Variants in ARMC3 observed in about 807,000 individuals in gnomAD.
The protein encoded by ARMC3 is armadillo repeat containing 3.
A neutral mutation model predicts 90.3 loss-of-function variants in ARMC3; 74 were observed. The ratio of observed to expected loss-of-function variants is 0.82; its 90% CI spans 0.68 to 0.99. The LOEUF (loss-of-function observed/expected upper bound fraction) is 0.99, where lower values mean the gene tolerates loss of function less well. Among genes scored for constraint, ARMC3 ranks in the 50% least tolerant of loss-of-function variants. ARMC3 has a pLI of 0.00. For missense variants in ARMC3, 958 were observed against 1,042.8 expected (o/e 0.92, Z 1.12); for synonymous variants, 334 against 361.8 (o/e 0.92, Z 0.87).
chr10:22,957,095 T>C (rs1201576117), intron 4 of ARMC3, among the ~76,000 whole-genome samples: 2 of 152,138 alleles, frequency 1.3e-5, no homozygotes, highest in Non-Finnish European at 2.9e-5. Flanking sequence ...ATGCCTATCG[T>C]GGTACATGGC....
At chr10:22,964,431 G>A (rs1426158778) in intron 7 of ARMC3, among the ~76,000 whole-genome samples, 2 of 148,204 alleles carry the variant, frequency 1.3e-5, no homozygotes, top group Non-Finnish European at 3.0e-5. Flanking sequence ...CCTGCCTTTT[G>A]TAGTGTTAAT....
At chr10:22,982,222 C>CA (rs1460554322) in intron 10 of ARMC3, among the ~76,000 whole-genome samples, 1 of 151,974 alleles carries the variant, frequency 6.6e-6, no homozygotes, top group Non-Finnish European at 1.5e-5. Flanking sequence ...ACTAAAAATA[C>CA]AAAAAAATAG....
intron 10 of ARMC3, among the ~76,000 whole-genome samples, chr10:22,983,250 A>C (rs10508656): frequency 6.6e-6 from 1 of 152,012 alleles, no homozygotes; most frequent in African/African-American, 2.4e-5. Flanking sequence ...TTTGATGTGA[A>C]TTTGCCTGGC....
intron 2 of ARMC3, among the ~76,000 whole-genome samples, chr10:22,938,034 T>C (rs1175346197): frequency 1.3e-5 from 2 of 152,200 alleles, no homozygotes; most frequent in African/African-American, 4.8e-5. Context: ...TTAATAATAA[T>C]ATAATTCAGG....
intron 16 of ARMC3, among the ~76,000 whole-genome samples, chr10:23,029,374 A>C (rs939924711): frequency 1.3e-5 from 2 of 152,148 alleles, no homozygotes; most frequent in African/African-American, 2.4e-5. Context: ...AGAGTCCTCA[A>C]ACAGCTGTTG....
At chr10:23,004,690 CA>C (rs1244582245) in intron 13 of ARMC3, among the ~76,000 whole-genome samples, 1 of 152,136 alleles carries the variant, frequency 6.6e-6, no homozygotes, top group Non-Finnish European at 1.5e-5. Context: ...GCCCCGGTTG[CA>C]GGAAGCACTC....
chr10:23,001,128 C>T (rs928193953), intron 11 of ARMC3, among the ~76,000 whole-genome samples: 16 of 152,268 alleles, frequency 1.1e-4, no homozygotes, highest in African/African-American at 3.6e-4. Flanking sequence ...ACTTGGTGGC[C>T]GTGCACAGTG....
At chr10:22,994,702 C>G (rs1180137297) in intron 10 of ARMC3, among the ~76,000 whole-genome samples, 1 of 152,026 alleles carries the variant, frequency 6.6e-6, no homozygotes, top group African/African-American at 2.4e-5. Context: ...GAGGAGAGAC[C>G]TCTTAGGAGA....
At chr10:22,938,708 C>T (rs983991992) in intron 2 of ARMC3, among the ~76,000 whole-genome samples, 1 of 152,190 alleles carries the variant, frequency 6.6e-6, no homozygotes, top group East Asian at 1.9e-4. Flanking sequence ...GGAAGTACAA[C>T]ATACTGAAAT....
rs748293646 is a variant in ARMC3 at position 22,981,464 on chromosome 10, A to G, written c.1041A>G (p.Ser347=). 6.2e-7 allele frequency: 1 copy of G among 1,613,932 alleles called. No individual in the cohort carries two copies. The highest frequency in any genetic ancestry group is 1.1e-5 in the South Asian group (1 of 90,960). ...SQAISAMCEN[S]GSKDFFNNQG... ...CTATTTCAGCAATGTGTGAGAATTC[A>G]GGCAGCAAAGATTTTTTCAATAATC... The change falls in exon 9 of 19, where the codon TCA becomes TCG. Residue 347 remains serine, a synonymous_variant. Coordinates refer to ENST00000298032, the MANE Select transcript of ARMC3 (RefSeq NM_173081.5).
intron 11 of ARMC3, 149 bp from the exon 12 acceptor site, chr10:23,001,770 C>A (rs1837304123): frequency 9.5e-7 from 1 of 1,048,438 alleles, no homozygotes; most frequent in African/African-American, 1.6e-5. Flanking sequence ...TTTTTCACCC[C>A]TGAATTTAAT....
At chr10:23,014,176 G>GA (rs1838161690) in intron 16 of ARMC3, 2 of 1,548,910 alleles carry the variant, frequency 1.3e-6, no homozygotes, top group African/African-American at 1.4e-5. Flanking sequence ...AGAACACAGA[G>GA]ACTTTGGATT....
intron 7 of ARMC3, among the ~76,000 whole-genome samples, chr10:22,963,920 CACAAAAAAAAAAA>C (rs1835328210): frequency 2.0e-5 from 1 of 50,572 alleles, no homozygotes; most frequent in Non-Finnish European, 3.5e-5. Context: ...CACACACACA[CACAAAAAAAAAAA>C]AAAAAAAAAA....
chr10:22,942,710 C>T (rs1167631810), intron 2 of ARMC3, among the ~76,000 whole-genome samples: 2 of 152,038 alleles, frequency 1.3e-5, no homozygotes, highest in African/African-American at 4.8e-5. Flanking sequence ...ATATGTCTAC[C>T]CCATGACTCA....
At chr10:22,944,905 A>AT (rs370498053) in intron 2 of ARMC3, among the ~76,000 whole-genome samples, 1 of 152,144 alleles carries the variant, frequency 6.6e-6, no homozygotes, top group African/African-American at 2.4e-5. Flanking sequence ...TACACAACTG[A>AT]TTTTTTACTG....
At position 23,001,983 on chromosome 10, in the gene ARMC3, G is replaced by A; in HGVS notation, c.1490G>A (p.Arg497Lys). 6.2e-7 allele frequency: 1 copy of A among 1,613,948 alleles called. No homozygotes were observed. Among genetic ancestry groups the A allele is most frequent in the South Asian group, 1.1e-5 (1 of 91,078 alleles). ...CTACGCTCCAAGAATGATGAAGTGA[G>A]GAAGCACGCCAGTTGGGCAGTGATG... ...ELLRSKNDEV[R>K]KHASWAVMVC... Residue 497 changes from arginine to lysine, a missense_variant, in exon 12 of 19, where the codon AGG (arginine) becomes AAG (lysine). Arg to Lys is a conservative substitution (Grantham distance 26, BLOSUM62 2). Coordinates refer to ENST00000298032, the MANE Select transcript of ARMC3 (RefSeq NM_173081.5).
intron 7 of ARMC3, among the ~76,000 whole-genome samples, chr10:22,964,068 G>A (rs1000449785): frequency 2.0e-5 from 3 of 151,596 alleles, no homozygotes; most frequent in Admixed American, 6.6e-5. Flanking sequence ...TAGATCTATC[G>A]AGGTCAAAGG....
intron 16 of ARMC3, chr10:23,014,482 T>C: frequency 9.7e-7 from 1 of 1,031,408 alleles, no homozygotes; most frequent in Non-Finnish European, 1.2e-6. Flanking sequence ...ACTGCATTCG[T>C]CTGAAAAGCC....
chr10:22,958,348 A>G (rs1225725098), intron 4 of ARMC3, among the ~76,000 whole-genome samples: 4 of 152,216 alleles, frequency 2.6e-5, no homozygotes, highest in African/African-American at 9.6e-5. Flanking sequence ...TGTATTAATT[A>G]AAATAGGCTG....
Sources: allele counts gnomAD v4.1 joint callset (sites outside exome capture counted in the v4.1 genomes callset), GRCh38; gene constraint gnomAD v4.1.1; transcripts MANE v1.5; gene names NCBI Gene and HGNC (gene_info 2026-07-23, HGNC 2026-07-21).